Variants in GRIN2A observed in about 807,000 individuals in gnomAD.
GRIN2A encodes the protein glutamate ionotropic receptor NMDA type subunit 2A, also known as glutamate receptor ionotropic, NMDA 2A.
Under a neutral mutation model 113.4 loss-of-function variants are expected in GRIN2A, and 22 were observed. The observed-to-expected ratio is 0.19, with a 90% CI of 0.14 to 0.28. The LOEUF is 0.28. Among genes scored for constraint, GRIN2A ranks in the 10% least tolerant of loss-of-function variants. GRIN2A has a pLI of 1.00. For synonymous variants in GRIN2A, 827 were observed against 738.4 expected (o/e 1.12, Z -1.94); for missense variants, 1,502 against 1,887.0 (o/e 0.80, Z 3.78).
At chr16:9,787,866 G>A (rs1470428588) in intron 11 of GRIN2A, among the ~76,000 whole-genome samples, 5 of 152,168 alleles carry the variant, frequency 3.3e-5, no homozygotes, top group Admixed American at 3.3e-4. Context: ...GGCTGAGGCT[G>A]CTGGTTGTAA....
chr16:9,779,202 G>C (rs1901794915), intron 11 of GRIN2A, among the ~76,000 whole-genome samples: 1 of 152,192 alleles, frequency 6.6e-6, no homozygotes, highest in South Asian at 2.1e-4. Flanking sequence ...AGATGCCTCT[G>C]AGTTCTTATC....
intron 11 of GRIN2A, among the ~76,000 whole-genome samples, chr16:9,783,718 A>G (rs1305873856): frequency 6.6e-6 from 1 of 152,224 alleles, no homozygotes; most frequent in East Asian, 1.9e-4. Context: ...ACCCCAACTG[A>G]GTGATTGGAT....
chr16:9,812,505 G>C (rs992535237), intron 10 of GRIN2A, among the ~76,000 whole-genome samples: 2 of 152,030 alleles, frequency 1.3e-5, no homozygotes, highest in Non-Finnish European at 2.9e-5. Context: ...CGGGTGTGGT[G>C]GTGCACCCCT....
intron 2 of GRIN2A, among the ~76,000 whole-genome samples, chr16:10,023,496 G>C (rs1424927724): frequency 6.6e-6 from 1 of 152,160 alleles, no homozygotes; most frequent in Non-Finnish European, 1.5e-5. Flanking sequence ...AAACCAGTAA[G>C]AGAACACATC....
intron 2 of GRIN2A, among the ~76,000 whole-genome samples, chr16:10,104,197 C>T (rs1211309816): frequency 2.6e-5 from 4 of 152,186 alleles, no homozygotes; most frequent in South Asian, 2.1e-4. Context: ...AACTATTCGA[C>T]GTATTCATTC....
At chr16:10,145,701 G>A (rs1218010384) in intron 2 of GRIN2A, among the ~76,000 whole-genome samples, 2 of 152,088 alleles carry the variant, frequency 1.3e-5, no homozygotes, top group Non-Finnish European at 2.9e-5. Flanking sequence ...TTCTGTAAAG[G>A]GCCAGATAGT....
rs937202960 is a variant in GRIN2A at position 9,804,495 on chromosome 16, C to T, written c.2169-6031G>A. 2.0e-5 allele frequency among the ~76,000 whole-genome samples: 3 copies of T among 152,154 alleles called. No individual in the cohort carries two copies. The East Asian group carries it at 5.8e-4, about 30-fold the overall frequency. On this transcript the variant is annotated intron_variant, in intron 10 of 12. Coordinates refer to ENST00000330684, the MANE Select transcript of GRIN2A (RefSeq NM_001134407.3). ...TTGTGCCACATTCTCAGTTCCTACC[C>T]AGGTACCAGGGTTGTGTTTCTCCCA...
At chr16:9,765,992 A>C (rs1900902125) in intron 12 of GRIN2A, among the ~76,000 whole-genome samples, 1 of 152,208 alleles carries the variant, frequency 6.6e-6, no homozygotes, top group Admixed American at 6.5e-5. Context: ...ACTGTTATCA[A>C]GGGAAGAGCC....
intron 2 of GRIN2A, among the ~76,000 whole-genome samples, chr16:10,144,139 G>T (rs977233296): frequency 6.6e-6 from 1 of 152,038 alleles, no homozygotes; most frequent in Non-Finnish European, 1.5e-5. Context: ...GTTCCATTAC[G>T]CTGGTGCTAT....
At chr16:10,110,084 A>G (rs908517624) in intron 2 of GRIN2A, among the ~76,000 whole-genome samples, 14 of 147,184 alleles carry the variant, frequency 9.5e-5, no homozygotes, top group Non-Finnish European at 1.6e-4. Flanking sequence ...CCAGAGTGTG[A>G]TGTTCCCCTT....
At position 9,763,675 on chromosome 16, in the gene GRIN2A, T is replaced by G. The variant is rs771482705; in HGVS notation, c.3869A>C (p.His1290Pro). The G allele has an allele frequency of 3.7e-6, 6 of 1,613,924 alleles. No homozygotes were observed. The highest frequency in any genetic ancestry group is 5.1e-6 in the Non-Finnish European group (6 of 1,180,008). Residue 1290 changes from histidine (H) to proline (P), a missense_variant, in exon 13 of 13, where the codon CAT becomes CCT. Transcript: ENST00000330684. ...TTTGTCGACAATGTTATCGTAGGAA[T>G]GCTGACGGCTAATCCTTAGCTTGTT... ...QKNKLRISRQHSYDNIVDKPR... is the reference protein window; with the variant it reads ...QKNKLRISRQPSYDNIVDKPR...
chr16:9,832,665 G>A (rs1168063518), intron 8 of GRIN2A, among the ~76,000 whole-genome samples: 7 of 152,124 alleles, frequency 4.6e-5, no homozygotes, highest in Non-Finnish European at 8.8e-5. Context: ...AACAGCACAA[G>A]CCCTGATTAT....
intron 10 of GRIN2A, among the ~76,000 whole-genome samples, chr16:9,803,388 C>A (rs1179866061): frequency 6.6e-6 from 1 of 151,476 alleles, no homozygotes; most frequent in African/African-American, 2.4e-5. Flanking sequence ...GCACTCCAGC[C>A]TGGGCAACAA....
rs1026135577 is a variant in GRIN2A, at chr16:9,759,307, T to C, written c.*3842A>G. On this transcript the variant is annotated 3_prime_UTR_variant, in exon 13 of 13. Transcript: ENST00000330684. ...TTAATTAACATCAACATTTTTTTTC[T>C]TTTTCATTAGCAATTCTATTTGCAA... 6 of 221,274 alleles carry C rather than the reference T, an allele frequency of 2.7e-5. No homozygotes were observed. Among genetic ancestry groups the C allele is most frequent in the Non-Finnish European group, 5.4e-5 (6 of 110,678 alleles). 13.7% of individuals were successfully genotyped at this position (221,274 alleles called of 1,614,324 possible).
At chr16:9,954,341 A>T (rs945207080) in intron 2 of GRIN2A, among the ~76,000 whole-genome samples, 11 of 152,182 alleles carry the variant, frequency 7.2e-5, no homozygotes, top group Non-Finnish European at 1.6e-4. Context: ...AGATGTGCAC[A>T]TGGTCGGCAG....
intron 11 of GRIN2A, among the ~76,000 whole-genome samples, chr16:9,771,331 T>C (rs529557626): frequency 2.0e-5 from 3 of 152,212 alleles, no homozygotes; most frequent in Non-Finnish European, 2.9e-5. Context: ...TTCCAATAGA[T>C]GTATTTTCCC....
chr16:9,846,436 C>CATATTTAGCAATT (rs2141359992), intron 5 of GRIN2A, among the ~76,000 whole-genome samples: 1 of 152,116 alleles, frequency 6.6e-6, no homozygotes, highest in African/African-American at 2.4e-5. Context: ...ATTTAGCAAT[C>CATATTTAGCAATT]ACATATTATA....
At chr16:9,796,947 A>G (rs1348542796) in intron 11 of GRIN2A, among the ~76,000 whole-genome samples, 2 of 152,252 alleles carry the variant, frequency 1.3e-5, no homozygotes, top group African/African-American at 4.8e-5. Flanking sequence ...GGAGAATTCA[A>G]AGACTCACAT....
chr16:10,008,162 C>T (rs780365643), intron 2 of GRIN2A, among the ~76,000 whole-genome samples: 2 of 152,044 alleles, frequency 1.3e-5, no homozygotes, highest in Non-Finnish European at 2.9e-5. Flanking sequence ...TCCTCTTGAG[C>T]CTTGACGGCT....
Sources: gnomAD v4.1 joint callset for allele counts (sites outside exome capture counted in the v4.1 genomes callset) on GRCh38, gnomAD v4.1.1 for gene constraint, MANE v1.5 for transcripts, NCBI Gene and HGNC (gene_info 2026-07-23, HGNC 2026-07-21) for gene names.